FAM111B: variants seen among roughly 807,000 people sequenced by gnomAD.
FAM111B encodes the protein serine protease FAM111B.
Under a neutral mutation model 2.8 loss-of-function variants are expected in FAM111B, and 1 was observed. That is an observed-to-expected ratio of 0.36 (90% CI 0.13 to 1.70). FAM111B has a LOEUF of 1.70. Ranked by LOEUF, FAM111B falls within the 40% of genes most tolerant of loss-of-function variation. The probability of loss-of-function intolerance (pLI) is 0.35; values close to 1 mark genes in which losing one functional copy is unlikely to be tolerated. For synonymous variants in FAM111B, 297 were observed against 295.6 expected, an observed-to-expected ratio of 1.00 and a Z score of -0.05; for missense variants, 882 against 878.9, an observed-to-expected ratio of 1.00 and a Z score of -0.04.
At position 59,124,847 on chromosome 11, in the gene FAM111B, T is replaced by C. The variant is rs1333373522; in HGVS notation, c.750T>C (p.Tyr250=). 2.5e-6 allele frequency: 4 copies of C among 1,613,636 alleles called. No homozygotes were observed. The highest frequency in any genetic ancestry group is 1.1e-5 in the South Asian group (1 of 91,032). Residue 250 remains tyrosine (Y), a synonymous_variant, in exon 4 of 4, where the codon TAT becomes TAC. Coordinates refer to ENST00000343597, the MANE Select transcript of FAM111B (RefSeq NM_198947.4). ...WKLKEGHKKI[Y]GKQSMVDEVS... The stretch of plus-strand genomic sequence containing the variant: ...TAAAGGAAGGTCATAAGAAAATTTA[T>C]GGAAAACAGTCCATGGTGGATGAAG...
chr11:59,111,982 C>G (rs1440226193), intron 3 of FAM111B, among the ~76,000 whole-genome samples: 1 of 152,146 alleles, frequency 6.6e-6, no homozygotes, highest in Non-Finnish European at 1.5e-5. Context: ...TTATTGTTTC[C>G]TTTAAATTTA....
intron 3 of FAM111B, among the ~76,000 whole-genome samples, chr11:59,123,434 G>A (rs1045628100): frequency 7.2e-5 from 11 of 152,156 alleles, no homozygotes; most frequent in African/African-American, 2.7e-4. Flanking sequence ...ACAATTCTCT[G>A]GAAGGCAGTT....
intron 2 of FAM111B, among the ~76,000 whole-genome samples, chr11:59,109,273 T>TACAAG (rs1325440149): frequency 2.0e-5 from 3 of 152,188 alleles, no homozygotes; most frequent in Admixed American, 1.3e-4. Context: ...GTGGCTGTCT[T>TACAAG]CTCCCTAGTA....
chr11:59,124,505 A>G lies in FAM111B; in HGVS notation c.408A>G (p.Thr136=). ...ACATTATTGTTTATGAAGAAAAGAC[A>G]ATAGATGGACATATAAATTTAGGAA... ...NKNIIVYEEK[T]IDGHINLGMP... is the part of the protein sequence containing the mutation. Residue 136 remains threonine (T), a synonymous_variant, in exon 4 of 4, where the codon ACA becomes ACG. Transcript: ENST00000343597. 1 of 1,613,478 alleles carries G rather than the reference A, an allele frequency of 6.2e-7. No individual in the cohort carries two copies. The highest frequency in any genetic ancestry group is 8.5e-7 in the Non-Finnish European group (1 of 1,179,686).
intron 1 of FAM111B, 93 bp downstream of exon 1, chr11:59,107,389 A>C (rs1211543651): frequency 6.6e-6 from 1 of 152,624 alleles, no homozygotes; most frequent in African/African-American, 2.4e-5. Context: ...CCCAAAGTCA[A>C]GGGGGTTTTG....
At chr11:59,110,954 A>C (rs1330473728) in intron 3 of FAM111B, among the ~76,000 whole-genome samples, 1 of 152,192 alleles carries the variant, frequency 6.6e-6, no homozygotes, top group African/African-American at 2.4e-5. Flanking sequence ...ATATTTTCTA[A>C]TTGTGAAACA....
At position 59,124,685 on chromosome 11, in the gene FAM111B, G is replaced by A. The variant is rs746327393; in HGVS notation, c.588G>A (p.Lys196=). 11 of 1,613,640 alleles carry A rather than the reference G, an allele frequency of 6.8e-6. No homozygotes were observed. In the Admixed American group the frequency reaches 1.8e-4, roughly 27 times the overall value. The change falls in exon 4 of 4, where the codon AAG becomes AAA. Residue 196 remains lysine, a synonymous_variant. Transcript: ENST00000343597. ...TTGTTGCTATAGGAAGGACAAGAAA[G>A]AAGATTGTTAAGATCAACGAACTTC... is the stretch of plus-strand genomic sequence containing the variant. ...FHVVAIGRTR[K]KIVKINELHE...
chr11:59,109,892 C>T (rs1161591638), intron 3 of FAM111B, 186 bp downstream of exon 3: 1 of 382,368 alleles, frequency 2.6e-6, no homozygotes, highest in Admixed American at 4.3e-5. Flanking sequence ...GTTAACAATG[C>T]TAAACGTATG....
chr11:59,117,365 T>C (rs1416762768), intron 3 of FAM111B, among the ~76,000 whole-genome samples: 1 of 152,120 alleles, frequency 6.6e-6, no homozygotes, highest in Admixed American at 6.5e-5. Context: ...GAAAGAACAA[T>C]TACATTTGTT....
chr11:59,125,852 GA>G lies in FAM111B; in HGVS notation c.1759del (p.Ile587Ter), dbSNP rs1456254428. Reference protein sequence around the residue: ...LIGHPEGQIKKIDGCTVIPLN... With the variant: ...LIGHPEGQIKXIDGCTVIPLN... ...TTGGTCATCCTGAAGGCCAGATCAA[GA>G]AAATAGATGGTTGTACTGTGATTCC... is the stretch of plus-strand genomic sequence containing the variant. On this transcript the variant is annotated frameshift_variant, in exon 4 of 4. Transcript: ENST00000343597. LOFTEE classifies it low-confidence loss of function (END_TRUNC). The G allele has an allele frequency of 5.0e-6, 8 of 1,613,762 alleles. No homozygotes were observed. Among genetic ancestry groups the G allele is most frequent in the Non-Finnish European group, 6.8e-6 (8 of 1,179,840 alleles).
chr11:59,117,445 G>A (rs760069757), intron 3 of FAM111B, among the ~76,000 whole-genome samples: 1 of 152,162 alleles, frequency 6.6e-6, no homozygotes, highest in Non-Finnish European at 1.5e-5. Context: ...GGCTCCTTTA[G>A]GGATGCAAGT....
intron 3 of FAM111B, among the ~76,000 whole-genome samples, chr11:59,119,390 C>T (rs541117078): frequency 1.8e-4 from 27 of 152,282 alleles, no homozygotes; most frequent in South Asian, 1.2e-3. Flanking sequence ...ATTGTTTTTC[C>T]GTTTCTCAGG....
chr11:59,119,337 C>A (rs1320212201), intron 3 of FAM111B, among the ~76,000 whole-genome samples: 1 of 152,226 alleles, frequency 6.6e-6, no homozygotes, highest in African/African-American at 2.4e-5. Flanking sequence ...GGCCTAGAAC[C>A]TCTTTTCAGG....
rs773621212 is a variant in FAM111B, at chr11:59,124,378, G to A, written c.281G>A (p.Arg94His). The A allele has an allele frequency of 2.9e-5, 47 of 1,613,580 alleles. 1 individual carries two copies. The highest frequency in any genetic ancestry group is 2.5e-4 in the African/African-American group (19 of 74,906). ...AATGGAAACTCCAGAAAATTAGACC[G>A]TAGTGTGTTTACAGCATATGGTAAA... ...TLNGNSRKLDRSVFTAYGKPS... is the reference protein window; with the variant it reads ...TLNGNSRKLDHSVFTAYGKPS... Residue 94 changes from arginine to histidine, a missense_variant, in exon 4 of 4, where the codon CGT becomes CAT. By Grantham distance (29) the Arg-to-His change is conservative. Coordinates refer to ENST00000343597, the MANE Select transcript of FAM111B (RefSeq NM_198947.4).
rs367808034 is a variant in FAM111B at position 59,110,993 on chromosome 11, T to G, written c.81+1287T>G. 2.0e-5 allele frequency among the ~76,000 whole-genome samples: 3 copies of G among 152,242 alleles called. No homozygotes were observed. The East Asian group carries it at 5.8e-4, about 29-fold the overall frequency. On this transcript the variant is annotated intron_variant, in intron 3 of 3. Transcript: ENST00000343597. The stretch of plus-strand genomic sequence containing the variant: ...AAATGGATTCGCTGGTTCACATGAG[T>G]GGACATTCCAGAATTCAGCTGAGCT...
rs77869504 is a variant in FAM111B, at chr11:59,117,849, A to T, written c.82-6330A>T. 4.8e-3 allele frequency among the ~76,000 whole-genome samples: 736 copies of T among 152,356 alleles called. 9 individuals are homozygous for T. Among genetic ancestry groups the T allele is most frequent in the Middle Eastern group, 0.02 (6 of 294 alleles). On this transcript the variant is annotated intron_variant, in intron 3 of 3. Transcript: ENST00000343597. ...GTTGTCCTGGTTCCTGGCATTTTAA[A>T]GAAAAACTTAGTAAAAACATACAAA...
intron 3 of FAM111B, among the ~76,000 whole-genome samples, chr11:59,110,740 G>A (rs1859745348): frequency 6.6e-6 from 1 of 152,264 alleles, no homozygotes; most frequent in African/African-American, 2.4e-5. Flanking sequence ...TTTCACTAGT[G>A]TATCAAGGAT....
intron 3 of FAM111B, among the ~76,000 whole-genome samples, chr11:59,114,658 A>G (rs188540428): frequency 6.6e-6 from 1 of 152,286 alleles, no homozygotes; most frequent in East Asian, 1.9e-4. Context: ...TCATTCAATC[A>G]CTTTGATCAT....
chr11:59,109,792 A>C (rs1338899030), intron 3 of FAM111B, 86 bp downstream of exon 3: 1 of 831,052 alleles, frequency 1.2e-6, no homozygotes, highest in African/African-American at 1.7e-5. Flanking sequence ...GTTCTTAAAC[A>C]ATGGTCGTTA....
Sources: gnomAD v4.1 joint callset for allele counts (sites outside exome capture counted in the v4.1 genomes callset) on GRCh38, gnomAD v4.1.1 for gene constraint, MANE v1.5 for transcripts, NCBI Gene and HGNC (gene_info 2026-07-23, HGNC 2026-07-21) for gene names.